SZT2: variants seen among roughly 807,000 people sequenced by gnomAD.
The protein encoded by SZT2 is SZT2 subunit of KICSTOR complex, also known as KICSTOR complex protein SZT2.
SZT2 carries 216 observed loss-of-function variants against 404.2 expected under a neutral mutation model. The ratio of observed to expected loss-of-function variants is 0.53; its 90% CI spans 0.48 to 0.60. SZT2 has a LOEUF of 0.60. Among genes scored for constraint, SZT2 ranks in the 20% least tolerant of loss-of-function variants. The pLI is 0.00. For synonymous variants in SZT2, 1,693 were observed against 1,749.9 expected (o/e 0.97, Z 0.81); for missense variants, 3,857 against 4,459.2 (o/e 0.86, Z 3.85).
rs1652910091 is a variant in SZT2, at chr1:43,424,539, G to A, written c.2471+107G>A. On this transcript the variant is annotated intron_variant, in intron 16 of 71. Coordinates refer to ENST00000634258, the MANE Select transcript of SZT2 (RefSeq NM_001365999.1). The surrounding 1 kb of genome is among the most constrained non-coding windows in gnomAD (Gnocchi z 4.1). Reference sequence around the variant, plus strand: ...ACACACTTCTCCTCTCTAATTCCCAGTCTGAAGTATAGAGCAGCATCTGCT... The same window carrying A: ...ACACACTTCTCCTCTCTAATTCCCAATCTGAAGTATAGAGCAGCATCTGCT... 14 of 1,204,810 alleles carry A rather than the reference G, an allele frequency of 1.2e-5. 1 individual carries two copies. The South Asian group carries it at 2.0e-4, about 17-fold the overall frequency. The allele number at this position is 1,204,810 out of a possible 1,614,324, so 74.6% of individuals were successfully genotyped here.
chr1:43,450,955 GC>G lies in SZT2; in HGVS notation c.*477del, dbSNP rs754593101. 3.9e-6 allele frequency: 3 copies of G among 760,790 alleles called. No individual in the cohort carries two copies. Among genetic ancestry groups the G allele is most frequent in the Non-Finnish European group, 7.2e-6 (3 of 415,650 alleles). The allele number at this position is 760,790 out of a possible 1,614,324, so 47.1% of individuals were successfully genotyped here. ...ACACCTGGGTTCCAATCCCAGCTCTGCCTTTGAAGCACTTGTGGCCACCGTC... is the reference window on the plus strand; with the variant it reads ...ACACCTGGGTTCCAATCCCAGCTCTGCTTTGAAGCACTTGTGGCCACCGTC... On this transcript the variant is annotated 3_prime_UTR_variant, in exon 72 of 72. Coordinates refer to ENST00000634258, the MANE Select transcript of SZT2 (RefSeq NM_001365999.1). The surrounding 1 kb of genome is among the most constrained non-coding windows in gnomAD (Gnocchi z 4.3).
At chr1:43,431,934 T>A in intron 36 of SZT2, 33 bp downstream of exon 36, 4 of 1,611,152 alleles carry the variant, frequency 2.5e-6, no homozygotes, top group Non-Finnish European at 3.4e-6. Context: ...CAGGGTCACC[T>A]TGGGGCCCGT....
At chr1:43,402,971 G>A (rs1435512472) in intron 1 of SZT2, among the ~76,000 whole-genome samples, 1 of 152,140 alleles carries the variant, frequency 6.6e-6, no homozygotes, top group African/African-American at 2.4e-5. Flanking sequence ...CTATATGGAG[G>A]TCTGTATCGG....
intron 1 of SZT2, among the ~76,000 whole-genome samples, chr1:43,397,147 A>T (rs982777638): frequency 6.6e-6 from 1 of 152,148 alleles, no homozygotes. Context: ...GAAACAATGT[A>T]TAGGCCAGGT....
chr1:43,430,270 G>A, intron 30 of SZT2, 41 bp from the exon 31 acceptor site: 1 of 1,602,150 alleles, frequency 6.2e-7, no homozygotes, highest in Non-Finnish European at 8.5e-7. Flanking sequence ...TGAGGCAAGT[G>A]GGATTCTTGC....
intron 4 of SZT2, among the ~76,000 whole-genome samples, chr1:43,407,563 C>T (rs1007734493): frequency 2.0e-5 from 3 of 151,646 alleles, no homozygotes; most frequent in Admixed American, 6.6e-5. Flanking sequence ...CACAGCAGTG[C>T]GTGCCTGTAA....
intron 1 of SZT2, among the ~76,000 whole-genome samples, chr1:43,397,444 G>T (rs937111429): frequency 2.7e-5 from 4 of 150,648 alleles, no homozygotes; most frequent in Admixed American, 2.0e-4. Context: ...AAAAAGAAAA[G>T]AAACAATATG....
chr1:43,420,879 A>G lies in SZT2; in HGVS notation c.1392A>G (p.Glu464=), dbSNP rs1161944839. The G allele has an allele frequency of 6.3e-7, 1 of 1,598,472 alleles. No homozygotes were observed. Among genetic ancestry groups the G allele is most frequent in the South Asian group, 1.1e-5 (1 of 91,086 alleles). ...PRVTRVEVTM[E]GGYDILHDVS... ...TAACACGGGTGGAAGTGACGATGGA[A>G]GGCGGCTACGACATTTTGCATGATG... Residue 464 remains glutamate, a synonymous_variant, in exon 10 of 72, where the codon GAA becomes GAG. Coordinates refer to ENST00000634258, the MANE Select transcript of SZT2 (RefSeq NM_001365999.1). This position sits in a 1 kb window ranked among gnomAD's most constrained non-coding sequence, Gnocchi z 5.1.
In SZT2 at chr1:43,426,362, G is replaced by A. The variant is rs544542107; in HGVS notation, c.3044-6G>A. ...CTTGGTGCTGAGCAGAGTGTGTGTC[G>A]GGCAGAGCCAGAGGGTGTCCCTTTC... On this transcript the variant is annotated splice_region_variant and splice_polypyrimidine_tract_variant and intron_variant, in intron 21 of 71. Coordinates refer to ENST00000634258, the MANE Select transcript of SZT2 (RefSeq NM_001365999.1). The surrounding 1 kb of genome is among the most constrained non-coding windows in gnomAD (Gnocchi z 4.9). 9 of 1,539,306 alleles carry A rather than the reference G, an allele frequency of 5.8e-6. No individual in the cohort carries two copies. Among genetic ancestry groups the A allele is most frequent in the South Asian group, 3.5e-5 (3 of 85,148 alleles).
In SZT2 at chr1:43,395,401, C is replaced by T. The variant is rs1300377361; in HGVS notation, c.27+5406C>T. Among the ~76,000 whole-genome samples the T allele has an allele frequency of 2.6e-5, 4 of 152,064 alleles. No homozygotes were observed. The South Asian group carries it at 8.3e-4, about 32-fold the overall frequency. On this transcript the variant is annotated intron_variant, in intron 1 of 71. Transcript: ENST00000634258. Reference sequence around the variant, plus strand: ...AAGCCTCAACCTCCCTGGGCTCAGGCGACCCTCCCACCTTAGTCTCCTGAG... The same window carrying T: ...AAGCCTCAACCTCCCTGGGCTCAGGTGACCCTCCCACCTTAGTCTCCTGAG...
chr1:43,453,519 G>GC lies in SZT2; in HGVS notation c.*3044dup. On this transcript the variant is annotated 3_prime_UTR_variant, in exon 72 of 72. Transcript: ENST00000634258. ...TCTCCTGCAGAGAGAACGGGCCTCA[G>GC]CCCCCGGCTCGGACACTCCCCTGCC... is the stretch of plus-strand genomic sequence containing the variant. The GC allele has an allele frequency of 2.0e-6, 3 of 1,536,124 alleles. No individual in the cohort carries two copies. Among genetic ancestry groups the GC allele is most frequent in the Non-Finnish European group, 2.6e-6 (3 of 1,137,934 alleles).
At position 43,454,055 on chromosome 1, in the gene SZT2, T is replaced by C. The variant is rs191597594; in HGVS notation, c.*3575T>C. The C allele has an allele frequency of 1.4e-3, 1,627 of 1,131,016 alleles. 22 individuals are homozygous for C. The African/African-American group carries it at 0.024, about 17-fold the overall frequency. 70.1% of individuals were successfully genotyped at this position (1,131,016 alleles called of 1,614,324 possible). A position where few individuals can be genotyped will look rare whatever the true frequency, so the allele number is the denominator to read the frequency against. ...GAGCAGGACCCGCGCCTGGAGAAGGTAGGGAGGCCGAGCTCCAGGGCCTGA... is the reference window on the plus strand; with the variant it reads ...GAGCAGGACCCGCGCCTGGAGAAGGCAGGGAGGCCGAGCTCCAGGGCCTGA... On this transcript the variant is annotated 3_prime_UTR_variant, in exon 72 of 72. Coordinates refer to ENST00000634258, the MANE Select transcript of SZT2 (RefSeq NM_001365999.1).
In SZT2 at chr1:43,420,165, G is replaced by T. The variant is rs757178219; in HGVS notation, c.1103G>T (p.Arg368Leu). The T allele has an allele frequency of 6.3e-7, 1 of 1,598,324 alleles. No individual in the cohort carries two copies. Among genetic ancestry groups the T allele is most frequent in the South Asian group, 1.1e-5 (1 of 91,060 alleles). The change falls in exon 9 of 72, where the codon CGC becomes CTC. Residue 368 changes from arginine to leucine, a missense_variant. Arg to Leu is a moderately radical substitution (Grantham distance 102). Coordinates refer to ENST00000634258, the MANE Select transcript of SZT2 (RefSeq NM_001365999.1). This position sits in a 1 kb window ranked among gnomAD's most constrained non-coding sequence, Gnocchi z 5.1. ...ACTGGTCTTCCAGGCTCTCAGCACC[G>T]CCTATTTAATGAGCACCTGGTCTCT... ...NPEYYCGSQH[R>L]LFNEHLVSAS...
At position 43,442,631 on chromosome 1, in the gene SZT2, C is replaced by G. The variant is rs1211426559; in HGVS notation, c.8151+13C>G. On this transcript the variant is annotated intron_variant, in intron 58 of 71. Coordinates refer to ENST00000634258, the MANE Select transcript of SZT2 (RefSeq NM_001365999.1). This position sits in a 1 kb window ranked among gnomAD's most constrained non-coding sequence, Gnocchi z 4.5. ...GCGAGATGAAAAGGTGCCTGCTGCT[C>G]TGGTTCTTCCTATAGTTTTGGCTAC... The G allele has an allele frequency of 1.3e-6, 2 of 1,586,446 alleles. No homozygotes were observed. The highest frequency in any genetic ancestry group is 1.3e-5 in the African/African-American group (1 of 74,388).
chr1:43,453,749 G>T lies in SZT2; in HGVS notation c.*3269G>T, dbSNP rs1427567564. 2 of 1,382,836 alleles carry T rather than the reference G, an allele frequency of 1.4e-6. No homozygotes were observed. The highest frequency in any genetic ancestry group is 3.0e-5 in the African/African-American group (2 of 65,584). The allele number at this position is 1,382,836 out of a possible 1,614,324, so 85.7% of individuals were successfully genotyped here. On this transcript the variant is annotated 3_prime_UTR_variant, in exon 72 of 72. Coordinates refer to ENST00000634258, the MANE Select transcript of SZT2 (RefSeq NM_001365999.1). The stretch of plus-strand genomic sequence containing the variant: ...CCCGCGCGGGGAGGCCGGAGAGCTC[G>T]GGGAATAGCCAGGACAGATTGGCGG...
At chr1:43,434,557 C>T (rs957684340) in intron 41 of SZT2, 72 bp downstream of exon 41, 2 of 1,286,770 alleles carry the variant, frequency 1.6e-6, no homozygotes, top group African/African-American at 3.0e-5. Context: ...ACTTGATTTT[C>T]AGAGGCTATT....
rs1227402425 is a variant in SZT2, at chr1:43,434,481, A to G, written c.5900A>G (p.Asn1967Ser). The G allele has an allele frequency of 6.3e-7, 1 of 1,592,386 alleles. No homozygotes were observed. Among genetic ancestry groups the G allele is most frequent in the Non-Finnish European group, 8.5e-7 (1 of 1,170,844 alleles). The change falls in exon 41 of 72, where the codon AAC becomes AGC. Residue 1967 changes from asparagine to serine, a missense_variant. This residue lies in a region of SZT2 where 1,725 missense variants were observed against 1,881.0 expected (regional missense o/e 0.92). Transcript: ENST00000634258. ...RRVGEICREV[N>S]QRLLLQDLHD... is the part of the protein sequence containing the mutation. ...GTTGGGGAGATCTGCAGGGAGGTCA[A>G]CCAGGTAAGGGGCAGGACTCTCCAG... is the stretch of plus-strand genomic sequence containing the variant.
At position 43,424,521 on chromosome 1, in the gene SZT2, TCTC is replaced by T. The variant is rs774610248; in HGVS notation, c.2471+93_2471+95del. 4.7e-5 allele frequency: 62 copies of T among 1,317,778 alleles called. No individual in the cohort carries two copies. Among genetic ancestry groups the T allele is most frequent in the South Asian group, 1.3e-4 (10 of 77,776 alleles). The allele number at this position is 1,317,778 out of a possible 1,614,324, so 81.6% of individuals were successfully genotyped here. On this transcript the variant is annotated intron_variant, in intron 16 of 71. Coordinates refer to ENST00000634258, the MANE Select transcript of SZT2 (RefSeq NM_001365999.1). This position sits in a 1 kb window ranked among gnomAD's most constrained non-coding sequence, Gnocchi z 4.1. ...TAGCAAAAAGCCTATAGCACACACT[TCTC>T]CTCTCTAATTCCCAGTCTGAAGTAT...
rs1388234745 is a variant in SZT2, at chr1:43,434,312, G to A, written c.5805-74G>A. 4.6e-6 allele frequency: 6 copies of A among 1,307,080 alleles called. No homozygotes were observed. In the East Asian group the frequency reaches 1.0e-4, roughly 22 times the overall value. 81.0% of individuals were successfully genotyped at this position (1,307,080 alleles called of 1,614,324 possible). ...TCGTGATACGTATAACTGCAGTTAT[G>A]TCATATACATATCATGCCATTACAT... On this transcript the variant is annotated intron_variant, in intron 40 of 71. Transcript: ENST00000634258.
Sources: gnomAD v4.1 joint callset for allele counts (sites outside exome capture counted in the v4.1 genomes callset) on GRCh38, gnomAD v4.1.1 for gene constraint, gnomAD v4.1.1 regional missense constraint, Gnocchi (gnomAD v3.1) non-coding constraint, MANE v1.5 for transcripts, NCBI Gene and HGNC (gene_info 2026-07-23, HGNC 2026-07-21) for gene names.